RHBG: variants seen among roughly 807,000 people sequenced by gnomAD.
The protein encoded by RHBG is Rh family B glycoprotein.
RHBG carries 39 observed loss-of-function variants against 40.1 expected under a neutral mutation model. That is an observed-to-expected ratio of 0.97 (90% CI 0.75 to 1.27). The LOEUF is 1.27. Among genes scored for constraint, RHBG ranks in the 50% most tolerant of loss-of-function variants. RHBG has a pLI of 0.00. For synonymous variants in RHBG, 237 were observed against 252.5 expected (o/e 0.94, Z 0.58); for missense variants, 549 against 588.1 (o/e 0.93, Z 0.69).
chr1:156,374,561 C>A, intron 1 of RHBG: 1 of 440,148 alleles, frequency 2.3e-6, no homozygotes, highest in Non-Finnish European at 4.5e-6. Context: ...CAGTTCCATC[C>A]ATGTTGCCAC....
chr1:156,377,510 G>A lies in RHBG; in HGVS notation c.374+23G>A, dbSNP rs780981927. 80 of 1,596,450 alleles carry A rather than the reference G, an allele frequency of 5.0e-5. No individual in the cohort carries two copies. In the Admixed American group the frequency reaches 1.3e-3, roughly 26 times the overall value. On this transcript the variant is annotated intron_variant, in intron 2 of 9. Transcript: ENST00000537040. The surrounding 1 kb of genome is among the most constrained non-coding windows in gnomAD (Gnocchi z 4.6). ...GAGGTGGGCAGCCGCCACCCACCCA[G>A]CTCCCCAAGGTTCACTCGGGAGGCC... is the stretch of plus-strand genomic sequence containing the variant.
chr1:156,369,295 C>T lies in RHBG; in HGVS notation c.46C>T (p.Pro16Ser). The T allele has an allele frequency of 6.2e-6, 10 of 1,614,130 alleles. No individual in the cohort carries two copies. The highest frequency in any genetic ancestry group is 2.2e-5 in the South Asian group (2 of 91,086). ...CGCCGCGGGCCGGCGACTGCAGCTT[C>T]CCCTGCTGTGCCTCTTCCTCCAGGG... The part of the protein sequence containing the change: ...SRAAGRRLQL[P>S]LLCLFLQGAT... Residue 16 changes from proline to serine, a missense_variant, in exon 1 of 10, where the codon CCC becomes TCC. By Grantham distance (74) the Pro-to-Ser change is moderately conservative. Transcript: ENST00000537040.
At chr1:156,378,760 G>A (rs934344343) in intron 4 of RHBG, among the ~76,000 whole-genome samples, 5 of 152,108 alleles carry the variant, frequency 3.3e-5, no homozygotes, top group Non-Finnish European at 7.4e-5. Context: ...CTCAGCTTTT[G>A]CCTGCCCTCA....
chr1:156,377,909 G>C lies in RHBG; in HGVS notation c.375-81G>C. 1 of 1,202,686 alleles carries C rather than the reference G, an allele frequency of 8.3e-7. No individual in the cohort carries two copies. Among genetic ancestry groups the C allele is most frequent in the East Asian group, 2.4e-5 (1 of 41,342 alleles). 74.5% of individuals were successfully genotyped at this position (1,202,686 alleles called of 1,614,324 possible). A position where few individuals can be genotyped will look rare whatever the true frequency, so the allele number is the denominator to read the frequency against. On this transcript the variant is annotated intron_variant, in intron 2 of 9. Coordinates refer to ENST00000537040, the MANE Select transcript of RHBG (RefSeq NM_020407.5). This position sits in a 1 kb window ranked among gnomAD's most constrained non-coding sequence, Gnocchi z 4.6. ...CCCACCCCACCCACCACATCATGCT[G>C]TCCTGGCTTCATGCCAGGCAGGAAC...
Position 156,377,180 on chromosome 1 carries a change from A to T in RHBG, c.188-121A>T. On this transcript the variant is annotated intron_variant, in intron 1 of 9. Coordinates refer to ENST00000537040, the MANE Select transcript of RHBG (RefSeq NM_020407.5). The surrounding 1 kb of genome is among the most constrained non-coding windows in gnomAD (Gnocchi z 4.6). Reference sequence around the variant, plus strand: ...CCCTGACATGCCTGGGGAGTTTTATAGGCTCGGCTCAAGGCAGCCCTGGCT... The same window carrying T: ...CCCTGACATGCCTGGGGAGTTTTATTGGCTCGGCTCAAGGCAGCCCTGGCT... 1.8e-6 allele frequency: 2 copies of T among 1,130,416 alleles called. No homozygotes were observed. Among genetic ancestry groups the T allele is most frequent in the Non-Finnish European group, 2.6e-6 (2 of 779,778 alleles). 70.0% of individuals were successfully genotyped at this position (1,130,416 alleles called of 1,614,324 possible).
rs1667325602 is a variant in RHBG at position 156,377,896 on chromosome 1, AC to A, written c.375-92del. ...CCAGAACTCCAACCCCACCCCACCC[AC>A]CACATCATGCTGTCCTGGCTTCATG... On this transcript the variant is annotated intron_variant, in intron 2 of 9. Transcript: ENST00000537040. The surrounding 1 kb of genome is among the most constrained non-coding windows in gnomAD (Gnocchi z 4.6). The A allele has an allele frequency of 1.5e-5, 13 of 880,604 alleles. No homozygotes were observed. The highest frequency in any genetic ancestry group is 2.4e-4 in the Middle Eastern group (1 of 4,174). 54.5% of individuals were successfully genotyped at this position (880,604 alleles called of 1,614,324 possible).
At position 156,377,207 on chromosome 1, in the gene RHBG, G is replaced by C. The variant is rs1667265549; in HGVS notation, c.188-94G>C. The C allele has an allele frequency of 7.2e-7, 1 of 1,380,694 alleles. No homozygotes were observed. The highest frequency in any genetic ancestry group is 1.0e-6 in the Non-Finnish European group (1 of 990,734). The allele number at this position is 1,380,694 out of a possible 1,614,324, so 85.5% of individuals were successfully genotyped here. ...GCTCGGCTCAAGGCAGCCCTGGCTG[G>C]TGAGAGCCAGGGGCACTGGCAGGGT... On this transcript the variant is annotated intron_variant, in intron 1 of 9. Coordinates refer to ENST00000537040, the MANE Select transcript of RHBG (RefSeq NM_020407.5). The surrounding 1 kb of genome is among the most constrained non-coding windows in gnomAD (Gnocchi z 4.6).
At chr1:156,383,319 G>A (rs1667801444) in intron 8 of RHBG, among the ~76,000 whole-genome samples, 1 of 152,238 alleles carries the variant, frequency 6.6e-6, no homozygotes, top group Non-Finnish European at 1.5e-5. Context: ...TTTGGCCTTA[G>A]TCTTTTTGGC....
chr1:156,374,586 C>CTTT, intron 1 of RHBG: 1 of 354,162 alleles, frequency 2.8e-6, no homozygotes, highest in Non-Finnish European at 5.5e-6. Flanking sequence ...GACAGGATTC[C>CTTT]ATTTTTTTTT....
chr1:156,376,673 T>G (rs556433604), intron 1 of RHBG, among the ~76,000 whole-genome samples: 141 of 152,196 alleles, frequency 9.3e-4, no homozygotes, highest in African/African-American at 3.3e-3. Context: ...CTCCTTAAAA[T>G]TTTTAAAAAA....
chr1:156,383,010 C>A, intron 8 of RHBG, 141 bp downstream of exon 8: 4 of 1,205,374 alleles, frequency 3.3e-6, no homozygotes, highest in Non-Finnish European at 4.7e-6. Context: ...GGGTAACCAA[C>A]CTCCTGCAGG....
In RHBG at chr1:156,381,597, C is replaced by G. The variant is rs139396821; in HGVS notation, c.840+84C>G. 234 of 1,493,500 alleles carry G rather than the reference C, an allele frequency of 1.6e-4. No individual in the cohort carries two copies. The African/African-American group carries it at 2.8e-3, about 18-fold the overall frequency. 92.5% of individuals were successfully genotyped at this position (1,493,500 alleles called of 1,614,324 possible). A position where few individuals can be genotyped will look rare whatever the true frequency, so the allele number is the denominator to read the frequency against. On this transcript the variant is annotated intron_variant, in intron 5 of 9. Coordinates refer to ENST00000537040, the MANE Select transcript of RHBG (RefSeq NM_020407.5). ...TCTGAGACCCTCAAGAAAGATTCTC[C>G]CGGGGAACAGATAAGGGCACAGGCA...
Position 156,384,770 on chromosome 1 carries a change from C to T in RHBG, c.1309-7C>T, listed in dbSNP as rs1333922025. 2 of 1,613,836 alleles carry T rather than the reference C, an allele frequency of 1.2e-6. No homozygotes were observed. The highest frequency in any genetic ancestry group is 1.7e-6 in the Non-Finnish European group (2 of 1,179,878). On this transcript the variant is annotated splice_polypyrimidine_tract_variant and splice_region_variant and intron_variant, in intron 9 of 9. Transcript: ENST00000537040. ...CCCTTTCACCTCTACCCACTCCTGC[C>T]TTCCAGGTGCCTGGCGAGCATGAGG... is the stretch of plus-strand genomic sequence containing the variant.
At chr1:156,372,493 C>T (rs771693171) in intron 1 of RHBG, among the ~76,000 whole-genome samples, 2 of 152,140 alleles carry the variant, frequency 1.3e-5, no homozygotes, top group African/African-American at 2.4e-5. Context: ...ATCTCATAGA[C>T]CTTACTTGCA....
intron 4 of RHBG, among the ~76,000 whole-genome samples, chr1:156,381,018 GC>G (rs1557804038): frequency 6.6e-6 from 1 of 152,032 alleles, no homozygotes; most frequent in Non-Finnish European, 1.5e-5. Flanking sequence ...TCCTGCCTCA[GC>G]CCCCCAAGTA....
chr1:156,370,991 T>C (rs537268531), intron 1 of RHBG, among the ~76,000 whole-genome samples: 3 of 144,404 alleles, frequency 2.1e-5, no homozygotes, highest in Non-Finnish European at 3.0e-5. Flanking sequence ...GAGCACCAGA[T>C]CTCCCAGAAT....
intron 4 of RHBG, among the ~76,000 whole-genome samples, chr1:156,378,943 C>T (rs1379922649): frequency 1.3e-5 from 2 of 151,920 alleles, no homozygotes; most frequent in African/African-American, 4.8e-5. Flanking sequence ...CCCCAGGGAC[C>T]CATAGGAGCT....
At chr1:156,381,271 C>A (rs752442137) in intron 4 of RHBG, 76 bp from the exon 5 acceptor site, 3 of 1,468,556 alleles carry the variant, frequency 2.0e-6, no homozygotes, top group Non-Finnish European at 2.8e-6. Flanking sequence ...AGGTGATTTG[C>A]CTGCAGTTAT....
At position 156,377,193 on chromosome 1, in the gene RHBG, G is replaced by C; in HGVS notation, c.188-108G>C. 1 of 1,280,346 alleles carries C rather than the reference G, an allele frequency of 7.8e-7. No individual in the cohort carries two copies. Among genetic ancestry groups the C allele is most frequent in the Non-Finnish European group, 1.1e-6 (1 of 905,710 alleles). 79.3% of individuals were successfully genotyped at this position (1,280,346 alleles called of 1,614,324 possible). A position where few individuals can be genotyped will look rare whatever the true frequency, so the allele number is the denominator to read the frequency against. On this transcript the variant is annotated intron_variant, in intron 1 of 9. Coordinates refer to ENST00000537040, the MANE Select transcript of RHBG (RefSeq NM_020407.5). The surrounding 1 kb of genome is among the most constrained non-coding windows in gnomAD (Gnocchi z 4.6). ...GGGGAGTTTTATAGGCTCGGCTCAA[G>C]GCAGCCCTGGCTGGTGAGAGCCAGG...
Sources: allele counts gnomAD v4.1 joint callset (sites outside exome capture counted in the v4.1 genomes callset), GRCh38; gene constraint gnomAD v4.1.1; non-coding constraint Gnocchi (gnomAD v3.1); transcripts MANE v1.5; gene names NCBI Gene and HGNC (gene_info 2026-07-23, HGNC 2026-07-21).